ATRNL1: variants seen among roughly 807,000 people sequenced by gnomAD.
The protein encoded by ATRNL1 is attractin like 1, also known as attractin-like protein 1.
ATRNL1 carries 95 observed loss-of-function variants against 182.7 expected under a neutral mutation model. The ratio of observed to expected loss-of-function variants is 0.52; its 90% CI spans 0.44 to 0.62. ATRNL1 has a LOEUF of 0.62. Among genes scored for constraint, ATRNL1 ranks in the 20% least tolerant of loss-of-function variants. ATRNL1 has a pLI of 0.00. For missense variants in ATRNL1, 1,471 were observed against 1,679.5 expected (o/e 0.88, Z 2.17); for synonymous variants, 576 against 568.3 (o/e 1.01, Z -0.19).
At chr10:115,774,886 T>G (rs1481799581) in intron 27 of ATRNL1, among the ~76,000 whole-genome samples, 3 of 151,966 alleles carry the variant, frequency 2.0e-5, no homozygotes, top group Non-Finnish European at 4.4e-5. Context: ...TTTTTTTTTA[T>G]GTAAAGCTGT....
rs898108580 is a variant in ATRNL1, at chr10:115,415,260, A to T, written c.3270-10990A>T. Among the ~76,000 whole-genome samples, 4 of 151,952 alleles carry T rather than the reference A, an allele frequency of 2.6e-5. No individual in the cohort carries two copies. The South Asian group carries it at 8.3e-4, about 31-fold the overall frequency. ...TGTGGAGAATAATTTGTGTAGTTTT[A>T]ATTTATATTTCCATTATTATAAGTG... is the stretch of plus-strand genomic sequence containing the variant. On this transcript the variant is annotated intron_variant, in intron 20 of 28. Transcript: ENST00000355044.
In ATRNL1 at chr10:115,944,841, T is replaced by C; in HGVS notation, c.*62T>C. 1 of 1,532,194 alleles carries C rather than the reference T, an allele frequency of 6.5e-7. No homozygotes were observed. The highest frequency in any genetic ancestry group is 8.8e-7 in the Non-Finnish European group (1 of 1,136,664). 94.9% of individuals were successfully genotyped at this position (1,532,194 alleles called of 1,614,324 possible). A position where few individuals can be genotyped will look rare whatever the true frequency, so the allele number is the denominator to read the frequency against. On this transcript the variant is annotated 3_prime_UTR_variant, in exon 29 of 29. Coordinates refer to ENST00000355044, the MANE Select transcript of ATRNL1 (RefSeq NM_207303.4). ...TACTTCGGGCTTCTGTTAAAGCTGT[T>C]CTATGGCCTTGGATTTTATGGAGGC...
intron 20 of ATRNL1, among the ~76,000 whole-genome samples, chr10:115,401,941 C>A (rs1844583639): frequency 6.6e-6 from 1 of 152,084 alleles, no homozygotes; most frequent in Non-Finnish European, 1.5e-5. Flanking sequence ...TTATGAAATT[C>A]AGTAGTACTC....
chr10:115,630,280 A>T (rs917934375), intron 26 of ATRNL1, among the ~76,000 whole-genome samples: 26 of 152,138 alleles, frequency 1.7e-4, no homozygotes, highest in Admixed American at 1.7e-3. Context: ...ATTACCAAGC[A>T]TCAGGGAAAT....
chr10:115,334,274 T>G lies in ATRNL1; in HGVS notation c.3038-8T>G. On this transcript the variant is annotated splice_polypyrimidine_tract_variant and splice_region_variant and intron_variant, in intron 18 of 28. Transcript: ENST00000355044. ...GATATTTGTAATGCTTTTTACTGTT[T>G]CCTTTAGCTTGCCAGTGTAATGGAC... 1 of 1,504,444 alleles carries G rather than the reference T, an allele frequency of 6.6e-7. No homozygotes were observed. The highest frequency in any genetic ancestry group is 9.0e-7 in the Non-Finnish European group (1 of 1,109,786). The allele number at this position is 1,504,444 out of a possible 1,614,324, so 93.2% of individuals were successfully genotyped here. A position where few individuals can be genotyped will look rare whatever the true frequency, so the allele number is the denominator to read the frequency against.
At chr10:115,244,919 G>T (rs560531553) in intron 10 of ATRNL1, among the ~76,000 whole-genome samples, 1 of 152,154 alleles carries the variant, frequency 6.6e-6, no homozygotes, top group East Asian at 1.9e-4. Flanking sequence ...TTTAAGAATG[G>T]GTAGGGAATA....
chr10:115,115,284 A>G (rs1259483081), intron 1 of ATRNL1, among the ~76,000 whole-genome samples: 1 of 152,052 alleles, frequency 6.6e-6, no homozygotes, highest in Non-Finnish European at 1.5e-5. Flanking sequence ...CAAAGTTTCA[A>G]TTAGGAAGAA....
intron 19 of ATRNL1, among the ~76,000 whole-genome samples, chr10:115,377,189 T>C (rs946019051): frequency 6.6e-6 from 1 of 152,190 alleles, no homozygotes; most frequent in African/African-American, 2.4e-5. Flanking sequence ...GTAGCTCCCA[T>C]AATTTCTCAT....
chr10:115,245,985 T>G (rs1414493035), intron 10 of ATRNL1, among the ~76,000 whole-genome samples: 7 of 152,188 alleles, frequency 4.6e-5, no homozygotes, highest in Non-Finnish European at 8.8e-5. Context: ...GTGTTCTCTT[T>G]CTTTTTGTTG....
chr10:115,462,576 C>T (rs1221778098), intron 22 of ATRNL1, among the ~76,000 whole-genome samples: 2 of 152,108 alleles, frequency 1.3e-5, no homozygotes, highest in East Asian at 1.9e-4. Flanking sequence ...CACGCCACTG[C>T]ACTCCAGCCT....
intron 9 of ATRNL1, among the ~76,000 whole-genome samples, chr10:115,240,691 T>G (rs1490008280): frequency 1.3e-5 from 2 of 152,128 alleles, no homozygotes; most frequent in Non-Finnish European, 2.9e-5. Flanking sequence ...ATTGTTTGTA[T>G]CAGGGCTTTA....
At chr10:115,449,412 T>C (rs1007591365) in intron 21 of ATRNL1, among the ~76,000 whole-genome samples, 2 of 152,136 alleles carry the variant, frequency 1.3e-5, no homozygotes, top group Non-Finnish European at 2.9e-5. Flanking sequence ...GCCACTTTCA[T>C]TGGCAATAAA....
chr10:115,608,288 T>C (rs1856974903), intron 26 of ATRNL1, among the ~76,000 whole-genome samples: 1 of 152,070 alleles, frequency 6.6e-6, no homozygotes, highest in Non-Finnish European at 1.5e-5. Context: ...TAGCTACTCA[T>C]CTACAAAGAG....
intron 21 of ATRNL1, among the ~76,000 whole-genome samples, chr10:115,432,362 T>C (rs1846213398): frequency 6.6e-6 from 1 of 152,126 alleles, no homozygotes; most frequent in Non-Finnish European, 1.5e-5. Flanking sequence ...CCCTGCGTTC[T>C]TTTAGAAATA....
intron 4 of ATRNL1, among the ~76,000 whole-genome samples, chr10:115,128,922 A>G (rs1845099471): frequency 6.6e-6 from 1 of 151,690 alleles, no homozygotes; most frequent in African/African-American, 2.4e-5. Flanking sequence ...CTTTTATATT[A>G]TACAACCAAG....
At chr10:115,877,281 C>A (rs1437200790) in intron 28 of ATRNL1, among the ~76,000 whole-genome samples, 1 of 152,162 alleles carries the variant, frequency 6.6e-6, no homozygotes, top group East Asian at 1.9e-4. Context: ...ATGTAGCCAG[C>A]AAATCAGTAT....
chr10:115,532,113 C>A (rs1263077514), intron 25 of ATRNL1, among the ~76,000 whole-genome samples: 1 of 151,670 alleles, frequency 6.6e-6, no homozygotes, highest in Non-Finnish European at 1.5e-5. Context: ...GCGATGCGGG[C>A]TCTTTTTTGG....
intron 8 of ATRNL1, among the ~76,000 whole-genome samples, chr10:115,205,939 A>G (rs1554893625): frequency 6.6e-6 from 1 of 152,058 alleles, no homozygotes. Context: ...CCTCATTCCA[A>G]GTTGCCTTCT....
At chr10:115,137,071 A>G (rs1845546696) in intron 5 of ATRNL1, among the ~76,000 whole-genome samples, 2 of 152,156 alleles carry the variant, frequency 1.3e-5, no homozygotes, top group African/African-American at 2.4e-5. Flanking sequence ...TGTTTTATAT[A>G]ACTTTTAAAA....
Sources: allele counts gnomAD v4.1 joint callset (sites outside exome capture counted in the v4.1 genomes callset), GRCh38; gene constraint gnomAD v4.1.1; transcripts MANE v1.5; gene names NCBI Gene and HGNC (gene_info 2026-07-23, HGNC 2026-07-21).